ABTB2: variants seen among roughly 807,000 people sequenced by gnomAD.
The protein encoded by ABTB2 is ankyrin repeat and BTB/POZ domain-containing protein 2.
Under a neutral mutation model 104.1 loss-of-function variants are expected in ABTB2, and 56 were observed. The observed-to-expected ratio is 0.54, with a 90% CI of 0.43 to 0.67. ABTB2 has a LOEUF of 0.67. Ranked by LOEUF, ABTB2 falls within the 30% of genes least tolerant of loss-of-function variation. The pLI, the probability that ABTB2 is intolerant of heterozygous loss-of-function variation, is 0.00. For missense variants in ABTB2, 1,279 were observed against 1,407.7 expected (o/e 0.91, Z 1.46); for synonymous variants, 606 against 608.2 (o/e 1.00, Z 0.05).
In ABTB2 at chr11:34,162,564, G is replaced by A. The variant is rs371619838; in HGVS notation, c.2218+12C>T. On this transcript the variant is annotated intron_variant, in intron 10 of 16. Coordinates refer to ENST00000435224, the MANE Select transcript of ABTB2 (RefSeq NM_145804.3). ...TGCATGGACATGGGTGTGCATGCCC[G>A]TGAGGCCTCACCCAGTGCCCTCAGC... The A allele has an allele frequency of 1.6e-5, 25 of 1,611,490 alleles. No individual in the cohort carries two copies. In the African/African-American group the frequency reaches 2.4e-4, roughly 15 times the overall value.
At chr11:34,307,798 A>G (rs1337072018) in intron 1 of ABTB2, among the ~76,000 whole-genome samples, 3 of 151,436 alleles carry the variant, frequency 2.0e-5, no homozygotes, top group Non-Finnish European at 4.4e-5. Flanking sequence ...TCCCGGGTTT[A>G]AGCGATTCTC....
intron 9 of ABTB2, 87 bp from the exon 10 acceptor site, chr11:34,162,892 G>C: frequency 7.6e-7 from 1 of 1,314,138 alleles, no homozygotes; most frequent in Non-Finnish European, 1.0e-6. Flanking sequence ...CTCCTGCCCC[G>C]ACGGGCTGCT....
At chr11:34,342,964 C>T (rs369624358) in intron 1 of ABTB2, among the ~76,000 whole-genome samples, 13 of 143,580 alleles carry the variant, frequency 9.1e-5, no homozygotes, top group African/African-American at 3.3e-4. Context: ...TTTATTTATT[C>T]GTTCATTCAT....
At chr11:34,161,161 G>A in intron 10 of ABTB2, 80 bp from the exon 11 acceptor site, 1 of 1,385,306 alleles carries the variant, frequency 7.2e-7, no homozygotes. Flanking sequence ...TTTCTGGGCA[G>A]ACTCTCTCGG....
intron 14 of ABTB2, 53 bp downstream of exon 14, chr11:34,159,243 T>C: frequency 7.0e-7 from 1 of 1,431,254 alleles, no homozygotes; most frequent in East Asian, 2.3e-5. Flanking sequence ...CAAGGTGGGC[T>C]CCTGGGGGAG....
At chr11:34,337,033 G>C (rs1165718164) in intron 1 of ABTB2, among the ~76,000 whole-genome samples, 1 of 152,096 alleles carries the variant, frequency 6.6e-6, no homozygotes, top group Non-Finnish European at 1.5e-5. Flanking sequence ...AATGCAGGCA[G>C]TCCAGCTTCA....
chr11:34,162,460 G>C lies in ABTB2; in HGVS notation c.2218+116C>G, dbSNP rs955942027. 4 of 1,148,786 alleles carry C rather than the reference G, an allele frequency of 3.5e-6. No homozygotes were observed. The African/African-American group carries it at 6.1e-5, about 18-fold the overall frequency. The allele number at this position is 1,148,786 out of a possible 1,614,324, so 71.2% of individuals were successfully genotyped here. On this transcript the variant is annotated intron_variant, in intron 10 of 16. Transcript: ENST00000435224. Reference sequence around the variant, plus strand: ...CCAGTCTGTGCTCAGCTGCCCTGGGGCTTGTCTGTCCCTGCAGGCCCTGGC... The same window carrying C: ...CCAGTCTGTGCTCAGCTGCCCTGGGCCTTGTCTGTCCCTGCAGGCCCTGGC...
intron 1 of ABTB2, among the ~76,000 whole-genome samples, chr11:34,323,387 T>A (rs1313557115): frequency 6.6e-6 from 1 of 152,236 alleles, no homozygotes; most frequent in Non-Finnish European, 1.5e-5. Flanking sequence ...TAAGCCTGTA[T>A]ACTTTTTTAA....
intron 1 of ABTB2, among the ~76,000 whole-genome samples, chr11:34,319,555 C>A (rs963294500): frequency 1.3e-5 from 2 of 152,214 alleles, no homozygotes; most frequent in African/African-American, 4.8e-5. Context: ...GTGGAGTCAG[C>A]CAGACCTGAG....
At chr11:34,163,056 G>A (rs913062462) in intron 9 of ABTB2, among the ~76,000 whole-genome samples, 4 of 152,194 alleles carry the variant, frequency 2.6e-5, no homozygotes, top group African/African-American at 9.7e-5. Flanking sequence ...GAAGCCATAG[G>A]CTTCGGGGCT....
intron 1 of ABTB2, among the ~76,000 whole-genome samples, chr11:34,245,637 G>A (rs1853975099): frequency 6.6e-6 from 1 of 152,204 alleles, no homozygotes; most frequent in Non-Finnish European, 1.5e-5. Context: ...ATGAGCAGGA[G>A]CTGGTGTCTG....
chr11:34,292,307 C>G (rs554535283), intron 1 of ABTB2, among the ~76,000 whole-genome samples: 5 of 152,336 alleles, frequency 3.3e-5, no homozygotes, highest in African/African-American at 9.6e-5. Flanking sequence ...GCTGCAGAAG[C>G]TACATGCCTT....
intron 1 of ABTB2, among the ~76,000 whole-genome samples, chr11:34,229,464 G>A (rs1317730389): frequency 1.3e-5 from 2 of 148,660 alleles, no homozygotes; most frequent in Non-Finnish European, 3.0e-5. Flanking sequence ...CTGGGTGACA[G>A]AGTGAGACTC....
chr11:34,306,981 T>C (rs967469031), intron 1 of ABTB2, among the ~76,000 whole-genome samples: 1 of 73,834 alleles, frequency 1.4e-5, no homozygotes, highest in Non-Finnish European at 2.3e-5. Context: ...GTCAGGAAAC[T>C]TAAAAAAAAA....
chr11:34,170,056 A>T (rs1033734170), intron 5 of ABTB2, among the ~76,000 whole-genome samples: 3 of 152,142 alleles, frequency 2.0e-5, no homozygotes, highest in African/African-American at 7.2e-5. Flanking sequence ...GCCCTTCCGC[A>T]CACTGTAAGT....
chr11:34,309,298 G>C (rs1338628178), intron 1 of ABTB2, among the ~76,000 whole-genome samples: 1 of 152,220 alleles, frequency 6.6e-6, no homozygotes, highest in Non-Finnish European at 1.5e-5. Flanking sequence ...AGGAAATTGA[G>C]TTGGGGATAC....
In ABTB2 at chr11:34,172,437, TATAG is replaced by T. The variant is rs67334558; in HGVS notation, c.1397+714_1397+717del. Among the ~76,000 whole-genome samples the T allele has an allele frequency of 9.6e-3, 889 of 92,426 alleles. 8 individuals carry two copies. The highest frequency in any genetic ancestry group is 0.027 in the African/African-American group (565 of 20,800). 60.6% of individuals were successfully genotyped at this position (92,426 alleles called of 152,430 possible). A position where few individuals can be genotyped will look rare whatever the true frequency, so the allele number is the denominator to read the frequency against. On this transcript the variant is annotated intron_variant, in intron 4 of 16. Transcript: ENST00000435224. ...ATATATATGTGTGTGTGTGTGTGTATATAGATAGATAGATAGATAGATAGATAGA... is the reference window on the plus strand; with the variant it reads ...ATATATATGTGTGTGTGTGTGTGTATATAGATAGATAGATAGATAGATAGA...
At position 34,204,626 on chromosome 11, in the gene ABTB2, T is replaced by C. The variant is rs758035917; in HGVS notation, c.948A>G (p.Arg316=). 6.2e-7 allele frequency: 1 copy of C among 1,612,646 alleles called. No individual in the cohort carries two copies. The highest frequency in any genetic ancestry group is 1.1e-5 in the South Asian group (1 of 91,032). ...GCTCCAGCTGGGCATAGGCATCGGC[T>C]CGCTCGTCATGGCCCAGGGACCCGC... is the stretch of plus-strand genomic sequence containing the variant. ...YNGGSLGHDE[R]ADAYAQLELR... The change falls in exon 2 of 17, where the codon CGA becomes CGG. Residue 316 remains arginine, a synonymous_variant. Coordinates refer to ENST00000435224, the MANE Select transcript of ABTB2 (RefSeq NM_145804.3).
chr11:34,313,721 T>C (rs1479834316), intron 1 of ABTB2, among the ~76,000 whole-genome samples: 4 of 152,266 alleles, frequency 2.6e-5, no homozygotes, highest in East Asian at 3.9e-4. Context: ...ATCTGTAAAA[T>C]AGAGGTTATG....
Sources: gnomAD v4.1 joint callset for allele counts (sites outside exome capture counted in the v4.1 genomes callset) on GRCh38, gnomAD v4.1.1 for gene constraint, MANE v1.5 for transcripts, NCBI Gene and HGNC (gene_info 2026-07-23, HGNC 2026-07-21) for gene names.